Variants in MAPRE2 observed in about 807,000 individuals in gnomAD.
The protein encoded by MAPRE2 is microtubule-associated protein RP/EB family member 2.
Under a neutral mutation model 43.2 loss-of-function variants are expected in MAPRE2, and 13 were observed. The observed-to-expected ratio is 0.30, with a 90% CI of 0.20 to 0.48. The LOEUF (loss-of-function observed/expected upper bound fraction) is 0.48, where lower values mean the gene tolerates loss of function less well. Ranked by LOEUF, MAPRE2 falls within the 20% of genes least tolerant of loss-of-function variation. The pLI is 0.99. For synonymous variants in MAPRE2, 135 were observed against 148.8 expected (o/e 0.91, Z 0.68); for missense variants, 161 against 400.2 (o/e 0.40, Z 5.10).
chr18:35,074,289 A>ATT (rs34357641), intron 2 of MAPRE2, among the ~76,000 whole-genome samples: 1 of 151,352 alleles, frequency 6.6e-6, no homozygotes, highest in African/African-American at 2.4e-5. Flanking sequence ...GTGATAGGGA[A>ATT]TTTTTTTTTC....
Position 35,142,291 on chromosome 18 carries a change from A to G in MAPRE2, c.*1922A>G, listed in dbSNP as rs1407237283. ...TCTTGTAAAAGGTCACAATAACTCT[A>G]TGCACCTGATACTGCAGTGGTTCCT... is the stretch of plus-strand genomic sequence containing the variant. On this transcript the variant is annotated 3_prime_UTR_variant, in exon 7 of 7. Transcript: ENST00000300249. 1 of 152,240 alleles carries G rather than the reference A, an allele frequency of 6.6e-6. No individual in the cohort carries two copies. The highest frequency in any genetic ancestry group is 1.5e-5 in the Non-Finnish European group (1 of 68,060). The allele number at this position is 152,240 out of a possible 1,614,324, so 9.4% of individuals were successfully genotyped here. A position where few individuals can be genotyped will look rare whatever the true frequency, so the allele number is the denominator to read the frequency against.
Position 35,101,350 on chromosome 18 carries a change from C to T in MAPRE2, c.397-596C>T, listed in dbSNP as rs141533756. On this transcript the variant is annotated intron_variant, in intron 3 of 6. Transcript: ENST00000300249. ...GGCATGCAATATGAAAGAAGCACAT[C>T]GTGGAGAATCAGTTATCCATTCCCT... Among the ~76,000 whole-genome samples the T allele has an allele frequency of 1.0e-3, 156 of 152,234 alleles. 1 individual carries two copies. Among genetic ancestry groups the T allele is most frequent in the Non-Finnish European group, 2.0e-3 (135 of 68,028 alleles).
chr18:35,130,847 C>A (rs1489271285), intron 5 of MAPRE2, among the ~76,000 whole-genome samples: 2 of 152,140 alleles, frequency 1.3e-5, no homozygotes, highest in East Asian at 3.9e-4. Flanking sequence ...GTCACAACCC[C>A]GTGAGGGTTT....
In MAPRE2 at chr18:35,041,433, G is replaced by A. The variant is rs993612373; in HGVS notation, c.-107G>A. The stretch of plus-strand genomic sequence containing the variant: ...GCTGGGAGAAGGCAGTGAGCGAGCA[G>A]GCGGCAGGCACGGTCCGTGCGGAGC... On this transcript the variant is annotated 5_prime_UTR_variant, in exon 1 of 7. Transcript: ENST00000300249. The A allele has an allele frequency of 2.5e-6, 4 of 1,578,844 alleles. No individual in the cohort carries two copies. Among genetic ancestry groups the A allele is most frequent in the Non-Finnish European group, 3.4e-6 (4 of 1,162,054 alleles).
chr18:34,979,124 G>A (rs2097014773), intron 1 of MAPRE2, among the ~76,000 whole-genome samples: 1 of 152,130 alleles, frequency 6.6e-6, no homozygotes, highest in African/African-American at 2.4e-5. Context: ...CTGGGGCGGG[G>A]AACTGTCATC....
intron 1 of MAPRE2, among the ~76,000 whole-genome samples, chr18:35,048,528 CAT>C (rs989390577): frequency 3.9e-4 from 58 of 149,852 alleles, no homozygotes; most frequent in African/African-American, 1.4e-3. Context: ...AGTATTAACA[CAT>C]ATACTACATA....
chr18:35,101,720 CATTCTTTTT>C (rs1908690571), intron 3 of MAPRE2, among the ~76,000 whole-genome samples: 1 of 152,170 alleles, frequency 6.6e-6, no homozygotes, highest in Non-Finnish European at 1.5e-5. Flanking sequence ...GACTGCGACT[CATTCTTTTT>C]ATGACTGAAT....
intron 1 of MAPRE2, among the ~76,000 whole-genome samples, chr18:34,997,907 C>A (rs962501239): frequency 5.9e-5 from 9 of 152,122 alleles, no homozygotes; most frequent in Non-Finnish European, 1.3e-4. Flanking sequence ...GAGCTATAAA[C>A]AAGTATAATT....
chr18:35,035,418 C>T (rs1037064033), intron 2 of MAPRE2, among the ~76,000 whole-genome samples: 15 of 151,626 alleles, frequency 9.9e-5, no homozygotes, highest in African/African-American at 2.4e-4. Flanking sequence ...TGCTAAATGA[C>T]GAGTTAATGG....
At chr18:35,080,179 G>A (rs1346534369) in intron 2 of MAPRE2, among the ~76,000 whole-genome samples, 1 of 152,200 alleles carries the variant, frequency 6.6e-6, no homozygotes, top group Non-Finnish European at 1.5e-5. Context: ...CGGAGAAGAA[G>A]ATGGTGATTT....
At chr18:35,077,222 C>T (rs960540341) in intron 2 of MAPRE2, among the ~76,000 whole-genome samples, 24 of 151,066 alleles carry the variant, frequency 1.6e-4, no homozygotes, top group Non-Finnish European at 1.5e-5. Flanking sequence ...CTCTCTCTCT[C>T]TCACAGATAC....
chr18:34,984,970 A>T (rs1194696092), intron 1 of MAPRE2, among the ~76,000 whole-genome samples: 4 of 75,418 alleles, frequency 5.3e-5, no homozygotes, highest in African/African-American at 1.0e-4. Flanking sequence ...TAAAATATAT[A>T]ATATATAAAA....
intron 6 of MAPRE2, among the ~76,000 whole-genome samples, chr18:35,135,131 A>G (rs1024177504): frequency 2.0e-5 from 3 of 152,186 alleles, no homozygotes; most frequent in South Asian, 4.1e-4. Context: ...TTTTATTGCA[A>G]CTTTGTGTCT....
intron 2 of MAPRE2, among the ~76,000 whole-genome samples, chr18:35,083,017 G>A (rs1182269869): frequency 6.6e-6 from 1 of 152,090 alleles, no homozygotes; most frequent in Non-Finnish European, 1.5e-5. Context: ...TTGCTGGTTT[G>A]TTTAACATTG....
At chr18:35,114,706 C>T (rs1328873448) in intron 4 of MAPRE2, among the ~76,000 whole-genome samples, 1 of 152,124 alleles carries the variant, frequency 6.6e-6, no homozygotes, top group East Asian at 1.9e-4. Flanking sequence ...CAGAGGAGGG[C>T]GAGGGTCTCC....
At chr18:35,125,321 G>A (rs532654060) in intron 4 of MAPRE2, among the ~76,000 whole-genome samples, 2 of 152,150 alleles carry the variant, frequency 1.3e-5, no homozygotes, top group East Asian at 3.9e-4. Context: ...ATAACCCTTC[G>A]GCTCTTGCTA....
At chr18:35,057,729 A>C (rs1906312887) in intron 1 of MAPRE2, among the ~76,000 whole-genome samples, 2 of 152,038 alleles carry the variant, frequency 1.3e-5, no homozygotes, top group African/African-American at 4.8e-5. Context: ...AGAAGGATGA[A>C]CTCTGATCCT....
chr18:35,063,471 A>G (rs1381676855), intron 1 of MAPRE2, among the ~76,000 whole-genome samples: 1 of 140,170 alleles, frequency 7.1e-6, no homozygotes, highest in Non-Finnish European at 1.5e-5. Flanking sequence ...GGAGTGACAT[A>G]AAGAAGGTAA....
At chr18:35,085,978 A>C (rs1332194669) in intron 2 of MAPRE2, among the ~76,000 whole-genome samples, 2 of 152,202 alleles carry the variant, frequency 1.3e-5, no homozygotes. Flanking sequence ...CACATCATGA[A>C]GAGTATGATC....
Sources: allele counts gnomAD v4.1 joint callset (sites outside exome capture counted in the v4.1 genomes callset), GRCh38; gene constraint gnomAD v4.1.1; transcripts MANE v1.5; gene names NCBI Gene and HGNC (gene_info 2026-07-23, HGNC 2026-07-21).